Variants in COP1 observed in about 807,000 individuals in gnomAD.
COP1 encodes E3 ubiquitin-protein ligase COP1.
In COP1, 24 loss-of-function variants were observed where a neutral mutation model predicts 101.3. The observed-to-expected ratio is 0.24, with a 90% CI of 0.17 to 0.33. COP1 has a LOEUF of 0.33. Among genes scored for constraint, COP1 ranks in the 10% least tolerant of loss-of-function variants. COP1 has a pLI of 1.00. For missense variants in COP1, 663 were observed against 906.2 expected (o/e 0.73, Z 3.45); for synonymous variants, 347 against 341.9 (o/e 1.01, Z -0.17).
intron 18 of COP1, among the ~76,000 whole-genome samples, chr1:175,981,740 A>C (rs531947717): frequency 2.2e-4 from 34 of 152,292 alleles, no homozygotes; most frequent in Admixed American, 1.8e-3. Context: ...AAATATTTGC[A>C]AACTATTTAT....
intron 15 of COP1, among the ~76,000 whole-genome samples, chr1:175,990,968 ACATTTAATAT>A (rs1010429895): frequency 1.3e-5 from 2 of 151,728 alleles, no homozygotes; most frequent in African/African-American, 4.8e-5. Flanking sequence ...CAACATACTT[ACATTTAATAT>A]AATTATTAAT....
chr1:176,166,033 CATT>C (rs1695093318), intron 3 of COP1, among the ~76,000 whole-genome samples: 1 of 152,098 alleles, frequency 6.6e-6, no homozygotes, highest in Non-Finnish European at 1.5e-5. Context: ...TCTTATATAC[CATT>C]ATATTTGATT....
chr1:176,089,764 A>G (rs927128029), intron 9 of COP1, among the ~76,000 whole-genome samples: 5 of 152,210 alleles, frequency 3.3e-5, no homozygotes, highest in Non-Finnish European at 4.4e-5. Flanking sequence ...GATGGGTTTT[A>G]CTTAACCCTA....
intron 8 of COP1, among the ~76,000 whole-genome samples, chr1:176,126,327 C>T (rs1377600676): frequency 6.6e-6 from 1 of 152,166 alleles, no homozygotes; most frequent in Non-Finnish European, 1.5e-5. Context: ...CACTTTTTCA[C>T]CATTTAGTAT....
chr1:176,092,910 A>C (rs1681590923), intron 9 of COP1, among the ~76,000 whole-genome samples: 1 of 152,218 alleles, frequency 6.6e-6, no homozygotes, highest in Non-Finnish European at 1.5e-5. Flanking sequence ...GATGCCCTTA[A>C]TAGCAAGAAC....
chr1:176,123,212 A>C (rs538444495), intron 8 of COP1, among the ~76,000 whole-genome samples: 23 of 152,330 alleles, frequency 1.5e-4, no homozygotes, highest in African/African-American at 4.1e-4. Flanking sequence ...TACTTAGAAG[A>C]AGCATTCCAA....
intron 18 of COP1, among the ~76,000 whole-genome samples, chr1:175,983,999 T>A (rs1291038345): frequency 6.6e-6 from 1 of 152,086 alleles, no homozygotes; most frequent in Non-Finnish European, 1.5e-5. Flanking sequence ...GCATCAAAGT[T>A]CAAAAAATTT....
At position 176,085,908 on chromosome 1, in the gene COP1, G is replaced by A; in HGVS notation, c.1027-18C>T. 1 of 1,401,302 alleles carries A rather than the reference G, an allele frequency of 7.1e-7. No individual in the cohort carries two copies. The highest frequency in any genetic ancestry group is 1.0e-6 in the Non-Finnish European group (1 of 998,004). 86.8% of individuals were successfully genotyped at this position (1,401,302 alleles called of 1,614,324 possible). On this transcript the variant is annotated intron_variant, in intron 9 of 19. Coordinates refer to ENST00000367669, the MANE Select transcript of COP1 (RefSeq NM_022457.7). ...TTCTTTGTCTAAAATAATAAGAAAA[G>A]ACACAAAACTTAGAATAAACAATAC...
chr1:176,189,114 A>G (rs1312455574), intron 1 of COP1, among the ~76,000 whole-genome samples: 1 of 152,230 alleles, frequency 6.6e-6, no homozygotes. Context: ...AAAAATAAAA[A>G]GAAAACCTTA....
intron 1 of COP1, among the ~76,000 whole-genome samples, chr1:176,198,154 T>C (rs1699899169): frequency 6.6e-6 from 1 of 152,148 alleles, no homozygotes; most frequent in African/African-American, 2.4e-5. Flanking sequence ...ATCCTAAGAT[T>C]TATGTGGAAA....
chr1:176,178,290 C>CT (rs1480092416), intron 2 of COP1, among the ~76,000 whole-genome samples: 6 of 151,258 alleles, frequency 4.0e-5, no homozygotes, highest in East Asian at 3.9e-4. Context: ...AAATTTAACT[C>CT]TTTTTTTAAA....
chr1:176,041,002 TG>T (rs1557982337), intron 14 of COP1, among the ~76,000 whole-genome samples: 1 of 151,560 alleles, frequency 6.6e-6, no homozygotes, highest in Non-Finnish European at 1.5e-5. Flanking sequence ...CAGAAAACAG[TG>T]AATAGTAAAG....
At chr1:176,014,803 T>C (rs957374305) in intron 15 of COP1, among the ~76,000 whole-genome samples, 2 of 152,196 alleles carry the variant, frequency 1.3e-5, no homozygotes, top group Admixed American at 1.3e-4. Context: ...AGTACTAATA[T>C]ATGTCTGTTA....
chr1:176,190,088 C>CA (rs1285765525), intron 1 of COP1, among the ~76,000 whole-genome samples: 3 of 151,930 alleles, frequency 2.0e-5, no homozygotes. Flanking sequence ...TTAAATATAA[C>CA]AAAAAACTGA....
At chr1:175,964,224 C>A (rs1651725964) in intron 18 of COP1, among the ~76,000 whole-genome samples, 1 of 152,156 alleles carries the variant, frequency 6.6e-6, no homozygotes. Context: ...CACTCTCAAT[C>A]AGAACATTAC....
intron 15 of COP1, among the ~76,000 whole-genome samples, chr1:176,007,123 C>T (rs1273116128): frequency 6.6e-6 from 1 of 152,168 alleles, no homozygotes; most frequent in East Asian, 1.9e-4. Flanking sequence ...CCCTTTCTTC[C>T]AGTTGATCGC....
intron 8 of COP1, among the ~76,000 whole-genome samples, chr1:176,126,173 A>G (rs1025231294): frequency 6.6e-6 from 1 of 152,148 alleles, no homozygotes; most frequent in Non-Finnish European, 1.5e-5. Flanking sequence ...AACAGGGATA[A>G]TTTGACTTCT....
chr1:176,150,508 C>T lies in COP1; in HGVS notation c.763-1434G>A, dbSNP rs16849602. On this transcript the variant is annotated intron_variant, in intron 5 of 19. Transcript: ENST00000367669. The stretch of plus-strand genomic sequence containing the variant: ...CACATGGGCTCTGTCTCAACAATGA[C>T]GACAAAGCATCCAAGCCTTCCACAT... 7.8e-3 allele frequency among the ~76,000 whole-genome samples: 1,193 copies of T among 152,276 alleles called. 14 individuals carry two copies. The highest frequency in any genetic ancestry group is 0.027 in the African/African-American group (1,127 of 41,554).
At chr1:176,113,366 T>C (rs61821009) in intron 9 of COP1, among the ~76,000 whole-genome samples, 16,539 of 152,196 alleles carry the variant, frequency 0.11, 995 homozygotes, top group Middle Eastern at 0.16. Context: ...CTATTTAGAG[T>C]TTTTGTCAAT....
Sources: allele counts gnomAD v4.1 joint callset (sites outside exome capture counted in the v4.1 genomes callset), GRCh38; gene constraint gnomAD v4.1.1; transcripts MANE v1.5; gene names NCBI Gene and HGNC (gene_info 2026-07-23, HGNC 2026-07-21).